The following CADM2 variants were observed in gnomAD, a reference collection of about 807,000 sequenced individuals.
The protein encoded by CADM2 is cell adhesion molecule 2, also known as immunoglobulin superfamily member 4D.
CADM2 carries 12 observed loss-of-function variants against 49.8 expected under a neutral mutation model. The ratio of observed to expected loss-of-function variants is 0.24; its 90% CI spans 0.15 to 0.39. CADM2 has a LOEUF of 0.39. Ranked by LOEUF, CADM2 falls within the 10% of genes least tolerant of loss-of-function variation. The probability of loss-of-function intolerance (pLI) is 1.00; values close to 1 mark genes in which losing one functional copy is unlikely to be tolerated. For synonymous variants in CADM2, 214 were observed against 175.4 expected, an observed-to-expected ratio of 1.22 and a Z score of -1.74; for missense variants, 378 against 492.3, an observed-to-expected ratio of 0.77 and a Z score of 2.20.
At chr3:85,457,697 T>C (rs2038056591) in intron 1 of CADM2, among the ~76,000 whole-genome samples, 1 of 152,162 alleles carries the variant, frequency 6.6e-6, no homozygotes, top group Non-Finnish European at 1.5e-5. Context: ...ATATTGTAAG[T>C]TGAAGTGTAA....
At position 85,691,989 on chromosome 3, in the gene CADM2, G is replaced by T. The variant is rs934639183; in HGVS notation, c.62-34533G>T. ...GGGGCCTGTTGTGGGGTGGGAGAAG[G>T]GGGGAGGGATAGCATTAGGAGATAT... is the stretch of plus-strand genomic sequence containing the variant. On this transcript the variant is annotated intron_variant, in intron 1 of 9. Coordinates refer to ENST00000383699, the MANE Select transcript of CADM2 (RefSeq NM_001167675.2). Among the ~76,000 whole-genome samples the T allele has an allele frequency of 1.1e-4, 16 of 151,990 alleles. 1 individual carries two copies. Among genetic ancestry groups the T allele is most frequent in the African/African-American group, 3.6e-4 (15 of 41,382 alleles).
intron 1 of CADM2, among the ~76,000 whole-genome samples, chr3:85,530,305 T>C (rs1422541620): frequency 2.0e-5 from 3 of 148,674 alleles, no homozygotes; most frequent in Admixed American, 6.8e-5. Context: ...TGTGAGTCAG[T>C]TAGACTTCTT....
At chr3:85,850,213 G>A (rs1259589229) in intron 3 of CADM2, among the ~76,000 whole-genome samples, 1 of 151,608 alleles carries the variant, frequency 6.6e-6, no homozygotes, top group Non-Finnish European at 1.5e-5. Flanking sequence ...TTATCACTGT[G>A]CCTGCCAGTT....
At chr3:85,176,555 G>T (rs1416914925) in intron 1 of CADM2, among the ~76,000 whole-genome samples, 1 of 152,036 alleles carries the variant, frequency 6.6e-6, no homozygotes, top group African/African-American at 2.4e-5. Flanking sequence ...GATTGCTTTG[G>T]GGAAATTCAG....
chr3:86,005,150 T>C (rs1300802310), intron 8 of CADM2, among the ~76,000 whole-genome samples: 1 of 152,242 alleles, frequency 6.6e-6, no homozygotes, highest in Non-Finnish European at 1.5e-5. Context: ...TTTCTACTTG[T>C]GGCTCTGCTT....
At chr3:85,210,705 T>A (rs1303688589) in intron 1 of CADM2, among the ~76,000 whole-genome samples, 1 of 152,090 alleles carries the variant, frequency 6.6e-6, no homozygotes, top group Non-Finnish European at 1.5e-5. Flanking sequence ...CAAGCCCGGC[T>A]AATTATTGTA....
At chr3:86,016,799 T>C (rs1377632406) in intron 8 of CADM2, among the ~76,000 whole-genome samples, 3 of 152,132 alleles carry the variant, frequency 2.0e-5, no homozygotes, top group East Asian at 1.9e-4. Flanking sequence ...ATAATCAAGA[T>C]AAAATAGACT....
At chr3:85,218,754 C>T (rs1034036067) in intron 1 of CADM2, among the ~76,000 whole-genome samples, 5 of 152,128 alleles carry the variant, frequency 3.3e-5, no homozygotes, top group Admixed American at 1.3e-4. Flanking sequence ...CGAGATTACG[C>T]CCACTGCACT....
intron 8 of CADM2, among the ~76,000 whole-genome samples, chr3:86,038,215 C>T (rs1283096721): frequency 6.6e-6 from 1 of 152,170 alleles, no homozygotes; most frequent in African/African-American, 2.4e-5. Context: ...ATTGTTTTCT[C>T]AACTTCTTAA....
chr3:85,272,051 C>T lies in CADM2; in HGVS notation c.61+312383C>T, dbSNP rs185917372. ...TAAGTTATATGGTCTTAAAACTACT[C>T]AGAGAAAAATGCTGGGCAGTTGTCC... is the stretch of plus-strand genomic sequence containing the variant. On this transcript the variant is annotated intron_variant, in intron 1 of 9. Transcript: ENST00000383699. Among the ~76,000 whole-genome samples, 581 of 150,728 alleles carry T rather than the reference C, an allele frequency of 3.9e-3. 5 individuals carry two copies. Among genetic ancestry groups the T allele is most frequent in the African/African-American group, 0.013 (549 of 41,278 alleles).
At position 85,877,775 on chromosome 3, in the gene CADM2, C is replaced by G. The variant is rs189947704; in HGVS notation, c.239-5516C>G. ...TTGAAGAGGACTTCCTAGTTCAGCT[C>G]TTTTTCACTCTGTTCTTATCACATA... On this transcript the variant is annotated intron_variant, in intron 3 of 9. Transcript: ENST00000383699. Among the ~76,000 whole-genome samples, 27 of 140,436 alleles carry G rather than the reference C, an allele frequency of 1.9e-4. No individual in the cohort carries two copies. In the Admixed American group the frequency reaches 2.0e-3, roughly 11 times the overall value. 92.1% of individuals were successfully genotyped at this position (140,436 alleles called of 152,430 possible).
chr3:85,441,900 GA>G (rs2037218596), intron 1 of CADM2, among the ~76,000 whole-genome samples: 1 of 151,930 alleles, frequency 6.6e-6, no homozygotes, highest in African/African-American at 2.4e-5. Context: ...AGGAAGTAAG[GA>G]ACAAAGAAGA....
Position 86,072,398 on chromosome 3 carries a change from T to C in CADM2, c.*5615T>C, listed in dbSNP as rs1474544937. On this transcript the variant is annotated 3_prime_UTR_variant, in exon 10 of 10. Transcript: ENST00000383699. The stretch of plus-strand genomic sequence containing the variant: ...AATGGGCCCAAATGTGAAAAAGATA[T>C]AAAAAAAACAAAAAAAACAAAAAAA... 1.4e-5 allele frequency: 2 copies of C among 139,024 alleles called. No homozygotes were observed. Among genetic ancestry groups the C allele is most frequent in the Admixed American group, 7.2e-5 (1 of 13,918 alleles). The allele number at this position is 139,024 out of a possible 1,614,324, so 8.6% of individuals were successfully genotyped here.
At chr3:85,522,543 G>T (rs1250550906) in intron 1 of CADM2, among the ~76,000 whole-genome samples, 1 of 151,958 alleles carries the variant, frequency 6.6e-6, no homozygotes, top group Non-Finnish European at 1.5e-5. Flanking sequence ...ACTACATATG[G>T]CAATTCATTG....
At chr3:85,436,089 C>G (rs569760652) in intron 1 of CADM2, among the ~76,000 whole-genome samples, 3 of 151,986 alleles carry the variant, frequency 2.0e-5, no homozygotes, top group South Asian at 2.1e-4. Context: ...AGTTGTGAAG[C>G]CTTGCCCATG....
intron 1 of CADM2, among the ~76,000 whole-genome samples, chr3:85,218,025 C>T (rs1410664587): frequency 2.0e-5 from 3 of 151,858 alleles, no homozygotes; most frequent in Non-Finnish European, 4.4e-5. Flanking sequence ...TTAATTAAAA[C>T]AAAATGCTTT....
intron 1 of CADM2, among the ~76,000 whole-genome samples, chr3:85,459,417 A>G (rs1268972593): frequency 6.6e-6 from 1 of 152,158 alleles, no homozygotes; most frequent in Non-Finnish European, 1.5e-5. Context: ...GAGTGTGTGG[A>G]ATTTCTAGCC....
At chr3:85,879,346 G>T (rs1045163876) in intron 3 of CADM2, among the ~76,000 whole-genome samples, 3 of 152,012 alleles carry the variant, frequency 2.0e-5, no homozygotes, top group Non-Finnish European at 4.4e-5. Flanking sequence ...ATATTTGCAA[G>T]TGTATATCTT....
intron 1 of CADM2, among the ~76,000 whole-genome samples, chr3:85,261,673 C>T (rs1434272773): frequency 6.6e-6 from 1 of 151,956 alleles, no homozygotes; most frequent in Non-Finnish European, 1.5e-5. Context: ...TGCTTAACAG[C>T]CACTAATTCT....
Sources: gnomAD v4.1 joint callset for allele counts (sites outside exome capture counted in the v4.1 genomes callset) on GRCh38, gnomAD v4.1.1 for gene constraint, MANE v1.5 for transcripts, NCBI Gene and HGNC (gene_info 2026-07-23, HGNC 2026-07-21) for gene names.